The following METTL22 variants were observed in gnomAD, a reference collection of about 807,000 sequenced individuals.
METTL22 encodes the protein methyltransferase 22, Kin17 lysine.
Under a neutral mutation model 48.4 loss-of-function variants are expected in METTL22, and 51 were observed. That is an observed-to-expected ratio of 1.05 (90% CI 0.84 to 1.33). METTL22 has a LOEUF of 1.33. METTL22 is among the 40% of genes most tolerant of loss of function. The pLI is 0.00. For synonymous variants in METTL22, 255 were observed against 214.1 expected, an observed-to-expected ratio of 1.19 and a Z score of -1.67; for missense variants, 678 against 526.9, an observed-to-expected ratio of 1.29 and a Z score of -2.81.
chr16:8,636,189 C>T (rs1216966568), intron 5 of METTL22, among the ~76,000 whole-genome samples: 1 of 152,106 alleles, frequency 6.6e-6, no homozygotes, highest in Non-Finnish European at 1.5e-5. Flanking sequence ...CGTTGTTTAG[C>T]TCCCACTCAT....
At position 8,625,760 on chromosome 16, in the gene METTL22, G is replaced by A; in HGVS notation, c.95G>A (p.Arg32Lys). ...SDVHLYTPNH[R>K]HLMVRLNSVG... The stretch of plus-strand genomic sequence containing the variant: ...GTCCACCTCTATACCCCGAACCATA[G>A]ACATCTCATGGTACGGCTGAACAGC... The change falls in exon 2 of 11, where the codon AGA (arginine) becomes AAA (lysine). Residue 32 changes from arginine to lysine, a missense_variant. Arg to Lys is a conservative substitution (Grantham distance 26). Transcript: ENST00000381920. 2 of 1,614,160 alleles carry A rather than the reference G, an allele frequency of 1.2e-6. No individual in the cohort carries two copies. Among genetic ancestry groups the A allele is most frequent in the Non-Finnish European group, 1.7e-6 (2 of 1,180,036 alleles).
chr16:8,625,594 G>A lies in METTL22; in HGVS notation c.-72G>A. On this transcript the variant is annotated 5_prime_UTR_variant, in exon 2 of 11. Coordinates refer to ENST00000381920, the MANE Select transcript of METTL22 (RefSeq NM_024109.4). ...GACCTGTCTGCAGTATCTCCTCTGGGACCTGCCATGCTGAGGACCCATTCT... is the reference window on the plus strand; with the variant it reads ...GACCTGTCTGCAGTATCTCCTCTGGAACCTGCCATGCTGAGGACCCATTCT... The A allele has an allele frequency of 6.5e-7, 1 of 1,545,008 alleles. No homozygotes were observed. Among genetic ancestry groups the A allele is most frequent in the South Asian group, 1.2e-5 (1 of 86,410 alleles).
At chr16:8,650,774 C>T (rs528764075), downstream of METTL22, among the ~76,000 whole-genome samples, 14 of 152,312 alleles carry the variant, frequency 9.2e-5, no homozygotes, top group South Asian at 1.0e-3. Context: ...CGTGTAATCC[C>T]GGCACTTTGG....
the METTL22 span, among the ~76,000 whole-genome samples, chr16:8,660,179 TTTG>T: frequency 3.2e-5 from 1 of 31,280 alleles, no homozygotes; most frequent in East Asian, 0.014. Context: ...TTTTTGTTTT[TTTG>T]TTTGTTTGTT....
downstream of METTL22, among the ~76,000 whole-genome samples, chr16:8,650,023 T>C (rs1022797785): frequency 1.3e-5 from 2 of 152,170 alleles, no homozygotes; most frequent in Non-Finnish European, 2.9e-5. Flanking sequence ...ATGTCATCCC[T>C]GGTTAAGAGC....
chr16:8,644,579 T>C lies in METTL22; in HGVS notation c.1033T>C (p.Leu345=). 6.3e-7 allele frequency: 1 copy of C among 1,575,840 alleles called. No homozygotes were observed. Among genetic ancestry groups the C allele is most frequent in the South Asian group, 1.2e-5 (1 of 86,844 alleles). Residue 345 remains leucine (L), a synonymous_variant, in exon 10 of 11, where the codon TTG becomes CTG. Transcript: ENST00000381920. ...CAGGCTCAACTTCACATTGAGACAC[T>C]TGGACGTCACATGTGAAGCCTACGA... The part of the protein sequence containing the change: ...EKRLNFTLRH[L]DVTCEAYDHF...
At chr16:8,627,378 G>A (rs745460539) in intron 2 of METTL22, among the ~76,000 whole-genome samples, 26 of 152,042 alleles carry the variant, frequency 1.7e-4, no homozygotes, top group Non-Finnish European at 2.9e-4. Context: ...GGAGGGGAGA[G>A]AAGCAACCAT....
the METTL22 span, among the ~76,000 whole-genome samples, chr16:8,656,930 A>G: frequency 6.6e-6 from 1 of 152,254 alleles, no homozygotes; most frequent in Non-Finnish European, 1.5e-5. Context: ...AGAGAAGTAA[A>G]CATGGGTCAA....
At chr16:8,652,156 T>A (rs1474873585), downstream of METTL22, among the ~76,000 whole-genome samples, 1 of 151,504 alleles carries the variant, frequency 6.6e-6, no homozygotes, top group Non-Finnish European at 1.5e-5. Context: ...CAGTATAGAG[T>A]CCAGATAAAA....
rs2055856225 is a variant in METTL22, at chr16:8,621,776, G to T, written c.-171+1G>T. 1 of 152,312 alleles carries T rather than the reference G, an allele frequency of 6.6e-6. No homozygotes were observed. The highest frequency in any genetic ancestry group is 2.4e-5 in the African/African-American group (1 of 41,472). 9.4% of individuals were successfully genotyped at this position (152,312 alleles called of 1,614,324 possible). A position where few individuals can be genotyped will look rare whatever the true frequency, so the allele number is the denominator to read the frequency against. ...GATCCCAGGCTGGGCCCCGCGGCGG[G>T]TAAGTGCCTGGGAGAGGCGGCGGGA... is the stretch of plus-strand genomic sequence containing the variant. On this transcript the variant is annotated splice_donor_variant, in intron 1 of 10. Transcript: ENST00000381920. LOFTEE classifies it low-confidence loss of function (5UTR_SPLICE).
intron 5 of METTL22, among the ~76,000 whole-genome samples, chr16:8,635,919 G>C (rs1225962481): frequency 6.6e-6 from 1 of 152,190 alleles, no homozygotes; most frequent in African/African-American, 2.4e-5. Flanking sequence ...CAGCAGCACT[G>C]TATTCTGCTG....
chr16:8,640,086 A>G (rs1596357878), intron 6 of METTL22, among the ~76,000 whole-genome samples: 1 of 152,102 alleles, frequency 6.6e-6, no homozygotes, highest in Non-Finnish European at 1.5e-5. Context: ...GCATTTTACC[A>G]TCTGCTCGTG....
In METTL22 at chr16:8,645,975, C is replaced by A. The variant is rs75094973; in HGVS notation, c.1180-133C>A. The A allele has an allele frequency of 8.5e-5, 109 of 1,289,592 alleles. 1 individual carries two copies. The African/African-American group carries it at 2.9e-3, about 35-fold the overall frequency. The allele number at this position is 1,289,592 out of a possible 1,614,324, so 79.9% of individuals were successfully genotyped here. The stretch of plus-strand genomic sequence containing the variant: ...AAAGGAGGAAGCCGCCCGTCCGCTC[C>A]TGCCCCAGCTCGCCTGCTCCGTGGC... On this transcript the variant is annotated intron_variant, in intron 10 of 10. Transcript: ENST00000381920.
intron 1 of METTL22, among the ~76,000 whole-genome samples, chr16:8,625,267 A>G (rs539311385): frequency 6.6e-6 from 1 of 152,300 alleles, no homozygotes; most frequent in African/African-American, 2.4e-5. Flanking sequence ...GGATCATTGA[A>G]TCTAAGCAGT....
At chr16:8,651,627 C>T (rs1309458803), downstream of METTL22, among the ~76,000 whole-genome samples, 1 of 152,086 alleles carries the variant, frequency 6.6e-6, no homozygotes, top group East Asian at 1.9e-4. Context: ...AAAAGGGATC[C>T]TGTTTGCCAC....
At chr16:8,650,054 G>A (rs994659626), downstream of METTL22, among the ~76,000 whole-genome samples, 7 of 152,128 alleles carry the variant, frequency 4.6e-5, no homozygotes, top group African/African-American at 1.7e-4. Context: ...GGTTGGATGT[G>A]GTGGCTCATA....
At chr16:8,643,614 G>GT (rs988954776) in intron 9 of METTL22, among the ~76,000 whole-genome samples, 15 of 150,618 alleles carry the variant, frequency 1.0e-4, no homozygotes, top group East Asian at 5.8e-4. Flanking sequence ...AGACAGTTTT[G>GT]TTTTTTTTGT....
intron 3 of METTL22, among the ~76,000 whole-genome samples, chr16:8,632,356 C>T (rs1224604468): frequency 6.6e-6 from 1 of 152,132 alleles, no homozygotes; most frequent in Non-Finnish European, 1.5e-5. Flanking sequence ...ATTTTAAATC[C>T]TCTTTTGTTT....
At chr16:8,654,536 C>G (rs1301122184), downstream of METTL22, among the ~76,000 whole-genome samples, 1 of 152,206 alleles carries the variant, frequency 6.6e-6, no homozygotes, top group Non-Finnish European at 1.5e-5. Flanking sequence ...AAATTAAGTA[C>G]ATGTGCACAC....
Sources: gnomAD v4.1 joint callset for allele counts (sites outside exome capture counted in the v4.1 genomes callset) on GRCh38, gnomAD v4.1.1 for gene constraint, MANE v1.5 for transcripts, NCBI Gene and HGNC (gene_info 2026-07-23, HGNC 2026-07-21) for gene names.